The following ACTL8 variants were observed in gnomAD, a reference collection of about 807,000 sequenced individuals.
The protein encoded by ACTL8 is actin-like protein 8.
ACTL8 carries 3 observed loss-of-function variants against 9.3 expected under a neutral mutation model. The observed-to-expected ratio is 0.32, with a 90% CI of 0.15 to 0.83. ACTL8 has a LOEUF of 0.83. Ranked by LOEUF, ACTL8 falls within the 40% of genes least tolerant of loss-of-function variation. ACTL8 has a pLI of 0.57. For missense variants in ACTL8, 381 were observed against 492.2 expected, an observed-to-expected ratio of 0.77 and a Z score of 2.14; for synonymous variants, 224 against 205.9, an observed-to-expected ratio of 1.09 and a Z score of -0.75.
intron 1 of ACTL8, among the ~76,000 whole-genome samples, chr1:17,771,543 T>C (rs1002249034): frequency 2.0e-5 from 3 of 152,122 alleles, no homozygotes; most frequent in African/African-American, 4.8e-5. Flanking sequence ...GTGACTTGGT[T>C]TGGGGGAAGG....
intron 1 of ACTL8, among the ~76,000 whole-genome samples, chr1:17,801,116 T>G (rs991348466): frequency 1.3e-5 from 2 of 152,248 alleles, no homozygotes; most frequent in Non-Finnish European, 2.9e-5. Context: ...AAAGTACTTA[T>G]AAAGCTCTGT....
At chr1:17,809,127 T>C (rs1053017026) in intron 1 of ACTL8, among the ~76,000 whole-genome samples, 3 of 152,132 alleles carry the variant, frequency 2.0e-5, no homozygotes, top group African/African-American at 4.8e-5. Flanking sequence ...TTAACAAAAA[T>C]ATGCCAGTTA....
intron 1 of ACTL8, among the ~76,000 whole-genome samples, chr1:17,804,316 C>T (rs1262208177): frequency 6.6e-6 from 1 of 152,202 alleles, no homozygotes; most frequent in Non-Finnish European, 1.5e-5. Context: ...AAGCCTCTTT[C>T]CCAGAAGCCC....
intron 1 of ACTL8, among the ~76,000 whole-genome samples, chr1:17,799,909 G>A (rs1230185972): frequency 2.0e-5 from 3 of 148,728 alleles, no homozygotes; most frequent in African/African-American, 7.5e-5. Flanking sequence ...TTCACACACA[G>A]GAGGTTCTAT....
At chr1:17,791,680 G>A (rs1400442846) in intron 1 of ACTL8, among the ~76,000 whole-genome samples, 3 of 152,208 alleles carry the variant, frequency 2.0e-5, no homozygotes, top group African/African-American at 7.2e-5. Flanking sequence ...TGGGCACCGG[G>A]CCATGGGCAC....
intron 1 of ACTL8, among the ~76,000 whole-genome samples, chr1:17,763,793 C>A (rs1022873356): frequency 6.6e-6 from 1 of 152,164 alleles, no homozygotes; most frequent in Non-Finnish European, 1.5e-5. Flanking sequence ...CGGTTGGGAG[C>A]CTTGGGGCTG....
At chr1:17,798,654 A>G (rs768372986) in intron 1 of ACTL8, among the ~76,000 whole-genome samples, 3 of 152,222 alleles carry the variant, frequency 2.0e-5, no homozygotes, top group Non-Finnish European at 4.4e-5. Context: ...ATGCTTTTCA[A>G]AAGCAAAACT....
At position 17,815,497 on chromosome 1, in the gene ACTL8, T is replaced by C. The variant is rs116786276; in HGVS notation, c.-24-7488T>C. Among the ~76,000 whole-genome samples, 439 of 152,286 alleles carry C rather than the reference T, an allele frequency of 2.9e-3. 3 individuals carry two copies. The highest frequency in any genetic ancestry group is 0.01 in the Middle Eastern group (3 of 294). Reference sequence around the variant, plus strand: ...TGTCTTCTGGACTCCATTTTTTTTTTCCCCTGGTGGGAAGTCTGCAGTCAT... The same window carrying C: ...TGTCTTCTGGACTCCATTTTTTTTTCCCCCTGGTGGGAAGTCTGCAGTCAT... On this transcript the variant is annotated intron_variant, in intron 1 of 2. Transcript: ENST00000375406.
intron 1 of ACTL8, among the ~76,000 whole-genome samples, chr1:17,784,841 A>C (rs2066184221): frequency 6.6e-6 from 1 of 152,234 alleles, no homozygotes; most frequent in Non-Finnish European, 1.5e-5. Context: ...CACACTGCTG[A>C]TAAAGACATA....
intron 1 of ACTL8, among the ~76,000 whole-genome samples, chr1:17,758,085 C>T (rs2065979215): frequency 6.6e-6 from 1 of 152,162 alleles, no homozygotes; most frequent in African/African-American, 2.4e-5. Flanking sequence ...AGTGAGGGAG[C>T]CCCTTTGTCC....
chr1:17,786,310 G>A (rs1261879849), intron 1 of ACTL8, among the ~76,000 whole-genome samples: 1 of 152,250 alleles, frequency 6.6e-6, no homozygotes, highest in Non-Finnish European at 1.5e-5. Context: ...CTCAAGGGGA[G>A]GGAATTATAC....
intron 1 of ACTL8, among the ~76,000 whole-genome samples, chr1:17,801,741 T>A (rs1184140188): frequency 6.6e-6 from 1 of 152,210 alleles, no homozygotes; most frequent in Non-Finnish European, 1.5e-5. Flanking sequence ...GTTTTTCATC[T>A]AAAATTGAGA....
intron 1 of ACTL8, among the ~76,000 whole-genome samples, chr1:17,759,354 C>T (rs2065987593): frequency 6.6e-6 from 1 of 152,242 alleles, no homozygotes; most frequent in African/African-American, 2.4e-5. Context: ...GCAGCACGTG[C>T]CGCTCAGTGC....
rs143513360 is a variant in ACTL8, at chr1:17,823,942, C to T, written c.348+586C>T. On this transcript the variant is annotated intron_variant, in intron 2 of 2. Coordinates refer to ENST00000375406, the MANE Select transcript of ACTL8 (RefSeq NM_030812.3). The surrounding 1 kb of genome is among the most constrained non-coding windows in gnomAD (Gnocchi z 5.3). ...CTTATGGATTCCATAATTGCTGATA[C>T]AGGCCATGTTCTGGCCCTCAGAGAG... Among the ~76,000 whole-genome samples the T allele has an allele frequency of 2.8e-4, 42 of 152,286 alleles. No individual in the cohort carries two copies. In the East Asian group the frequency reaches 7.7e-3, roughly 28 times the overall value.
At chr1:17,790,182 T>C (rs57862716) in intron 1 of ACTL8, among the ~76,000 whole-genome samples, 6,029 of 152,192 alleles carry the variant, frequency 0.04, 410 homozygotes, top group African/African-American at 0.14. Flanking sequence ...ACAAAGGCAC[T>C]CGGAAGCTTG....
At chr1:17,798,686 T>C (rs796451741) in intron 1 of ACTL8, among the ~76,000 whole-genome samples, 6 of 152,358 alleles carry the variant, frequency 3.9e-5, no homozygotes, top group African/African-American at 1.4e-4. Context: ...AAATCTATCT[T>C]TGTTCCCCCA....
intron 1 of ACTL8, among the ~76,000 whole-genome samples, chr1:17,812,653 T>A (rs2066401313): frequency 6.6e-6 from 1 of 151,004 alleles, no homozygotes; most frequent in African/African-American, 2.4e-5. Flanking sequence ...TTGCCCAGGC[T>A]GGTCATGAAC....
chr1:17,822,324 T>C (rs2053670328), intron 1 of ACTL8, among the ~76,000 whole-genome samples: 1 of 152,184 alleles, frequency 6.6e-6, no homozygotes, highest in Non-Finnish European at 1.5e-5. Flanking sequence ...AAATATTAAA[T>C]GAGTCCATGT....
At chr1:17,805,971 A>G (rs1435748784) in intron 1 of ACTL8, among the ~76,000 whole-genome samples, 1 of 152,096 alleles carries the variant, frequency 6.6e-6, no homozygotes, top group Non-Finnish European at 1.5e-5. Flanking sequence ...TACCCTGATG[A>G]TTTGTGATAT....
Sources: allele counts gnomAD v4.1 joint callset (sites outside exome capture counted in the v4.1 genomes callset), GRCh38; gene constraint gnomAD v4.1.1; non-coding constraint Gnocchi (gnomAD v3.1); transcripts MANE v1.5; gene names NCBI Gene and HGNC (gene_info 2026-07-23, HGNC 2026-07-21).